OR2L13: variants seen among roughly 807,000 people sequenced by gnomAD.
OR2L13 encodes the protein olfactory receptor family 2 subfamily L member 13.
Under a neutral mutation model 15.3 loss-of-function variants are expected in OR2L13, and 14 were observed. That is an observed-to-expected ratio of 0.91 (90% confidence interval 0.60 to 1.43). The LOEUF is 1.43. Ranked by LOEUF, OR2L13 falls within the 40% of genes most tolerant of loss-of-function variation. The pLI is 0.00. For synonymous variants in OR2L13, 152 were observed against 142.9 expected, an observed-to-expected ratio of 1.06 and a Z score of -0.45; for missense variants, 367 against 387.9, an observed-to-expected ratio of 0.95 and a Z score of 0.45.
At chr1:248,030,239 C>G in the OR2L13 span, 2 of 152,120 alleles carry the variant, frequency 1.3e-5, no homozygotes, top group African/African-American at 4.8e-5. Flanking sequence ...AATAAAGGTA[C>G]TAATTATAAT....
the OR2L13 span, among the ~76,000 whole-genome samples, chr1:248,026,411 G>A: frequency 6.6e-6 from 1 of 152,140 alleles, no homozygotes; most frequent in South Asian, 2.1e-4. Context: ...AACTTTCCTG[G>A]AGAGAATCCC....
chr1:247,978,514 T>C, the OR2L13 span, among the ~76,000 whole-genome samples: 2 of 152,228 alleles, frequency 1.3e-5, no homozygotes, highest in South Asian at 2.1e-4. Context: ...ATGCATTTCA[T>C]GTGCCTGCAA....
At chr1:248,076,452 A>G in the OR2L13 span, among the ~76,000 whole-genome samples, 132 of 152,248 alleles carry the variant, frequency 8.7e-4, no homozygotes, top group Middle Eastern at 0.017. Context: ...GGCCATTTTC[A>G]TGGTATTGAT....
chr1:247,945,682 G>T, the OR2L13 span, among the ~76,000 whole-genome samples: 1 of 152,114 alleles, frequency 6.6e-6, no homozygotes, highest in African/African-American at 2.4e-5. Context: ...GGTGCTCCTG[G>T]ATTGGGTGCA....
chr1:248,088,140 G>T, the OR2L13 span, among the ~76,000 whole-genome samples: 6 of 152,100 alleles, frequency 3.9e-5, no homozygotes, highest in South Asian at 2.1e-4. Flanking sequence ...TAACTATCAC[G>T]AGGTAGCAGA....
the OR2L13 span, among the ~76,000 whole-genome samples, chr1:248,000,653 GT>G: frequency 0.047 from 6,864 of 145,262 alleles, 459 homozygotes; most frequent in African/African-American, 0.16. Flanking sequence ...TTATATGGCT[GT>G]TTTTTTTTTT....
the OR2L13 span, among the ~76,000 whole-genome samples, chr1:248,080,423 C>G: frequency 2.0e-5 from 3 of 152,148 alleles, no homozygotes; most frequent in Non-Finnish European, 2.9e-5. Flanking sequence ...TGCTATCCCT[C>G]CCCTAAACCT....
At chr1:247,972,622 A>T in the OR2L13 span, among the ~76,000 whole-genome samples, 2 of 62,620 alleles carry the variant, frequency 3.2e-5, no homozygotes, top group African/African-American at 7.5e-5. Flanking sequence ...GGCAGTAATT[A>T]ATAGCCTACA....
chr1:248,063,670 G>A, the OR2L13 span, among the ~76,000 whole-genome samples: 1 of 152,196 alleles, frequency 6.6e-6, no homozygotes, highest in Non-Finnish European at 1.5e-5. Flanking sequence ...TTCCCAGGTA[G>A]GGACATTTGT....
the OR2L13 span, among the ~76,000 whole-genome samples, chr1:247,960,791 T>A: frequency 6.6e-6 from 1 of 152,102 alleles, no homozygotes; most frequent in African/African-American, 2.4e-5. Context: ...CATTCGAAAG[T>A]GCAGTATTAG....
the OR2L13 span, chr1:247,975,228 C>G: frequency 2.4e-6 from 1 of 408,662 alleles, no homozygotes; most frequent in Non-Finnish European, 5.0e-6. Context: ...ATATATGCCC[C>G]ATATCCCTGT....
At chr1:247,971,295 C>G in the OR2L13 span, among the ~76,000 whole-genome samples, 1 of 152,032 alleles carries the variant, frequency 6.6e-6, no homozygotes, top group Non-Finnish European at 1.5e-5. Context: ...TTAGGGAGCA[C>G]CAGCCATCGA....
chr1:248,097,055 C>T (rs147235461), upstream of OR2L13, among the ~76,000 whole-genome samples: 6 of 152,260 alleles, frequency 3.9e-5, no homozygotes, highest in African/African-American at 1.4e-4. Context: ...AATGCATAAC[C>T]AATCACTGAT....
the OR2L13 span, chr1:247,937,558 C>T: frequency 2.5e-5 from 4 of 160,554 alleles, no homozygotes; most frequent in Admixed American, 6.6e-5. Context: ...TCCTCCCCTC[C>T]CATCAGCAGC....
the OR2L13 span, among the ~76,000 whole-genome samples, chr1:248,075,235 G>T: frequency 6.6e-6 from 1 of 152,162 alleles, no homozygotes; most frequent in Non-Finnish European, 1.5e-5. Flanking sequence ...GTATTCCATG[G>T]TGTATATGTG....
the OR2L13 span, among the ~76,000 whole-genome samples, chr1:248,004,973 A>G: frequency 2.0e-5 from 3 of 152,248 alleles, no homozygotes; most frequent in South Asian, 6.2e-4. Flanking sequence ...TAAAAATGGA[A>G]CCAGTGGAAA....
chr1:247,950,046 T>TG, the OR2L13 span, among the ~76,000 whole-genome samples: 2 of 152,164 alleles, frequency 1.3e-5, no homozygotes, highest in South Asian at 2.1e-4. Flanking sequence ...TAAGAATTTT[T>TG]TTTTTGGTCA....
chr1:248,000,359 ACT>A, the OR2L13 span, among the ~76,000 whole-genome samples: 5 of 152,048 alleles, frequency 3.3e-5, no homozygotes, highest in East Asian at 3.9e-4. Flanking sequence ...GTCATGAGTA[ACT>A]CTCTTCAAAT....
At chr1:248,034,001 CTT>C in the OR2L13 span, among the ~76,000 whole-genome samples, 1 of 152,114 alleles carries the variant, frequency 6.6e-6, no homozygotes, top group Non-Finnish European at 1.5e-5. Flanking sequence ...CTCCAGAAAA[CTT>C]CTAAAACTGA....
Sources: gnomAD v4.1 joint callset for allele counts (sites outside exome capture counted in the v4.1 genomes callset) on GRCh38, gnomAD v4.1.1 for gene constraint, MANE v1.5 for transcripts, NCBI Gene and HGNC (gene_info 2026-07-23, HGNC 2026-07-21) for gene names.